Variants in LAMA2 observed in about 807,000 individuals in gnomAD.
The protein encoded by LAMA2 is laminin subunit alpha-2.
A neutral mutation model predicts 364.8 loss-of-function variants in LAMA2; 269 were observed. The observed-to-expected ratio is 0.74, with a 90% CI of 0.67 to 0.82. The LOEUF is 0.82. LAMA2 is among the 40% of genes least tolerant of loss of function. LAMA2 has a pLI of 0.00. For missense variants in LAMA2, 3,807 were observed against 3,873.2 expected, an observed-to-expected ratio of 0.98 and a Z score of 0.45; for synonymous variants, 1,379 against 1,370.6, an observed-to-expected ratio of 1.01 and a Z score of -0.14.
At chr6:129,402,227 A>C (rs1388355279) in intron 38 of LAMA2, 97 bp from the exon 39 acceptor site, 11 of 895,704 alleles carry the variant, frequency 1.2e-5, no homozygotes, top group South Asian at 3.1e-5. Context: ...AAAAAAAAAA[A>C]CTAAACTAAA....
At chr6:129,406,023 A>C (rs933096587) in intron 40 of LAMA2, among the ~76,000 whole-genome samples, 3 of 152,190 alleles carry the variant, frequency 2.0e-5, no homozygotes, top group Non-Finnish European at 4.4e-5. Flanking sequence ...AAGGTCAAGT[A>C]GTAGAGCAAC....
rs145095037 is a variant in LAMA2 at position 129,134,011 on chromosome 6, T to C, written c.640-9890T>C. Among the ~76,000 whole-genome samples the C allele has an allele frequency of 1.1e-4, 16 of 152,352 alleles. No individual in the cohort carries two copies. The East Asian group carries it at 2.1e-3, about 20-fold the overall frequency. On this transcript the variant is annotated intron_variant, in intron 4 of 64. Transcript: ENST00000421865. ...AATCTAATGACACAGGATCTGGCAC[T>C]GTATTTAGACCTCCTGCTCCAAGAT... is the stretch of plus-strand genomic sequence containing the variant.
At chr6:129,371,874 T>A (rs1200234348) in intron 34 of LAMA2, among the ~76,000 whole-genome samples, 1 of 152,126 alleles carries the variant, frequency 6.6e-6, no homozygotes, top group African/African-American at 2.4e-5. Context: ...CCCAAAATGC[T>A]GGGATTACAG....
At chr6:129,421,602 G>A (rs551378428) in intron 40 of LAMA2, among the ~76,000 whole-genome samples, 3 of 152,160 alleles carry the variant, frequency 2.0e-5, no homozygotes, top group African/African-American at 4.8e-5. Flanking sequence ...TGCTGGAAAA[G>A]GTTCTCTCCA....
intron 1 of LAMA2, among the ~76,000 whole-genome samples, chr6:128,932,442 A>G (rs563651484): frequency 6.6e-6 from 1 of 152,238 alleles, no homozygotes; most frequent in Non-Finnish European, 1.5e-5. Flanking sequence ...ATATAATTCC[A>G]GCCTGAAGAG....
chr6:129,365,594 C>G (rs2114618230), intron 32 of LAMA2, among the ~76,000 whole-genome samples: 1 of 151,362 alleles, frequency 6.6e-6, no homozygotes, highest in Non-Finnish European at 1.5e-5. Context: ...AACTCCTGAC[C>G]TCAGGTGATC....
At chr6:129,455,287 G>A (rs1334319912) in intron 47 of LAMA2, among the ~76,000 whole-genome samples, 2 of 151,996 alleles carry the variant, frequency 1.3e-5, no homozygotes, top group Non-Finnish European at 1.5e-5. Context: ...AATATTTTTA[G>A]TTCTTTTTAA....
chr6:129,261,004 T>C lies in LAMA2; in HGVS notation c.2208+182T>C, dbSNP rs79367376. Among the ~76,000 whole-genome samples the C allele has an allele frequency of 3.4e-3, 517 of 152,256 alleles. 4 individuals are homozygous for C. The highest frequency in any genetic ancestry group is 0.012 in the African/African-American group (501 of 41,574). On this transcript the variant is annotated intron_variant, in intron 15 of 64. Coordinates refer to ENST00000421865, the MANE Select transcript of LAMA2 (RefSeq NM_000426.4). The stretch of plus-strand genomic sequence containing the variant: ...GCTTTCAATTAGAGTATTAACCACA[T>C]AATTTCATTTTGTAACTCTTTCTCT...
chr6:129,123,662 A>G (rs1318188724), intron 4 of LAMA2, among the ~76,000 whole-genome samples: 4 of 152,230 alleles, frequency 2.6e-5, no homozygotes, highest in Non-Finnish European at 4.4e-5. Context: ...GATATCATTT[A>G]TATAAGGAAA....
intron 1 of LAMA2, among the ~76,000 whole-genome samples, chr6:129,031,946 A>T (rs950049099): frequency 3.3e-5 from 5 of 152,058 alleles, no homozygotes; most frequent in African/African-American, 1.2e-4. Flanking sequence ...TATCCTCCCG[A>T]GTAGCTGGGA....
chr6:129,423,189 A>G (rs1781164393), intron 40 of LAMA2, among the ~76,000 whole-genome samples: 1 of 151,980 alleles, frequency 6.6e-6, no homozygotes, highest in Non-Finnish European at 1.5e-5. Flanking sequence ...CCTGATCACT[A>G]TAAAAACCTA....
chr6:129,017,258 C>A (rs1785138296), intron 1 of LAMA2, among the ~76,000 whole-genome samples: 1 of 151,908 alleles, frequency 6.6e-6, no homozygotes, highest in African/African-American at 2.4e-5. Context: ...TTCAGCAATT[C>A]AATTTCCACA....
intron 20 of LAMA2, among the ~76,000 whole-genome samples, chr6:129,296,763 TATC>T (rs746436898): frequency 2.0e-4 from 30 of 152,142 alleles, no homozygotes; most frequent in Non-Finnish European, 3.5e-4. Context: ...CAGATTAAAA[TATC>T]ATAATAATGT....
chr6:128,961,708 C>A (rs1386256649), intron 1 of LAMA2, among the ~76,000 whole-genome samples: 1 of 151,880 alleles, frequency 6.6e-6, no homozygotes, highest in Non-Finnish European at 1.5e-5. Flanking sequence ...CCCACTGACT[C>A]AAATGTTAAT....
At chr6:128,890,542 T>TACACACACACACACACACACAC (rs56972149) in intron 1 of LAMA2, among the ~76,000 whole-genome samples, 37 of 147,438 alleles carry the variant, frequency 2.5e-4, no homozygotes, top group African/African-American at 9.2e-4. Flanking sequence ...TTCATTTAAA[T>TACACACACACACACACACACAC]ACACACACAC....
intron 8 of LAMA2, among the ~76,000 whole-genome samples, chr6:129,164,030 T>C (rs1779594157): frequency 6.6e-6 from 1 of 152,224 alleles, no homozygotes; most frequent in South Asian, 2.1e-4. Flanking sequence ...TCAACTTCTT[T>C]TTTTAATAAG....
At chr6:128,929,646 A>T in intron 1 of LAMA2, 1 of 1,420,430 alleles carries the variant, frequency 7.0e-7, no homozygotes, top group Non-Finnish European at 9.9e-7. Context: ...TGGAATAGTG[A>T]TGCGGTCTCG....
At chr6:129,475,316 T>C in intron 52 of LAMA2, 74 bp from the exon 53 acceptor site, 1 of 889,808 alleles carries the variant, frequency 1.1e-6, no homozygotes, top group Non-Finnish European at 1.7e-6. Context: ...GTTTATTGTT[T>C]TACTAAATGA....
chr6:129,374,984 C>T (rs1349830655), intron 34 of LAMA2, among the ~76,000 whole-genome samples: 1 of 149,596 alleles, frequency 6.7e-6, no homozygotes, highest in East Asian at 1.9e-4. Context: ...AAGGTTGATC[C>T]TGCATGACTG....
Sources: gnomAD v4.1 joint callset for allele counts (sites outside exome capture counted in the v4.1 genomes callset) on GRCh38, gnomAD v4.1.1 for gene constraint, MANE v1.5 for transcripts, NCBI Gene and HGNC (gene_info 2026-07-23, HGNC 2026-07-21) for gene names.